The following THTPA variants were observed in gnomAD, a reference collection of about 807,000 sequenced individuals.
THTPA encodes thiamine triphosphatase, also known as thiamine-triphosphatase.
Under a neutral mutation model 16.5 loss-of-function variants are expected in THTPA, and 16 were observed. That is an observed-to-expected ratio of 0.97 (90% CI 0.66 to 1.47). The LOEUF is 1.47. Ranked by LOEUF, THTPA falls within the 40% of genes most tolerant of loss-of-function variation. The pLI, the probability that THTPA is intolerant of heterozygous loss-of-function variation, is 0.00. For missense variants in THTPA, 281 were observed against 280.9 expected, an observed-to-expected ratio of 1.00 and a Z score of 0.00; for synonymous variants, 110 against 115.5, an observed-to-expected ratio of 0.95 and a Z score of 0.30.
chr14:23,524,944 A>C, the THTPA span: 1 of 1,536,106 alleles, frequency 6.5e-7, no homozygotes, highest in East Asian at 2.4e-5. This position sits in a 1 kb window ranked among gnomAD's most constrained non-coding sequence, Gnocchi z 5.6. Flanking sequence ...AGGCTCCCCC[A>C]GTGCCTCCTC....
At chr14:23,528,481 G>T in the THTPA span, 1 of 558,904 alleles carries the variant, frequency 1.8e-6, no homozygotes. Flanking sequence ...CCCCACCTTG[G>T]ATTTAGTTTT....
the THTPA span, among the ~76,000 whole-genome samples, chr14:23,535,935 T>C: frequency 1.8e-4 from 27 of 152,208 alleles, no homozygotes; most frequent in Admixed American, 6.5e-4. This position sits in a 1 kb window ranked among gnomAD's most constrained non-coding sequence, Gnocchi z 4.5. Flanking sequence ...TCCCCATCTT[T>C]CCTATCTCCA....
the THTPA span, chr14:23,526,439 C>T: frequency 3.2e-5 from 49 of 1,536,058 alleles, no homozygotes; most frequent in Middle Eastern, 1.7e-4. Context: ...CAGAGGGTGG[C>T]GAGAGTCAGC....
the THTPA span, among the ~76,000 whole-genome samples, chr14:23,548,673 C>T: frequency 1.3e-5 from 2 of 152,268 alleles, no homozygotes; most frequent in South Asian, 2.1e-4. Context: ...AAAGGCCTTT[C>T]GTGGGGGTAG....
chr14:23,531,296 G>C, the THTPA span: 5 of 865,644 alleles, frequency 5.8e-6, no homozygotes, highest in South Asian at 2.6e-4. Context: ...CTCCACTCAA[G>C]GTAGCCTCCA....
At chr14:23,540,653 T>C in the THTPA span, among the ~76,000 whole-genome samples, 3 of 152,238 alleles carry the variant, frequency 2.0e-5, no homozygotes, top group Admixed American at 2.0e-4. Context: ...CAATCCTTGC[T>C]CCATCACTCA....
chr14:23,533,438 C>T, the THTPA span: 1 of 1,530,586 alleles, frequency 6.5e-7, no homozygotes, highest in Non-Finnish European at 8.7e-7. This position sits in a 1 kb window ranked among gnomAD's most constrained non-coding sequence, Gnocchi z 4.8. Context: ...TGGAAGAGTT[C>T]AGGGGGGCTA....
the THTPA span, among the ~76,000 whole-genome samples, chr14:23,549,266 A>C: frequency 6.6e-6 from 1 of 151,912 alleles, no homozygotes; most frequent in Non-Finnish European, 1.5e-5. Flanking sequence ...TCCTTTGCAC[A>C]TCCCTCACGT....
the THTPA span, chr14:23,533,625 T>A: frequency 6.5e-7 from 1 of 1,536,818 alleles, no homozygotes; most frequent in Non-Finnish European, 8.7e-7. This position sits in a 1 kb window ranked among gnomAD's most constrained non-coding sequence, Gnocchi z 4.8. Context: ...ACTGCCAGGA[T>A]GATTTGGTCT....
the THTPA span, among the ~76,000 whole-genome samples, chr14:23,537,258 C>A: frequency 3.3e-4 from 50 of 152,102 alleles, no homozygotes; most frequent in South Asian, 1.2e-3. Flanking sequence ...CAGGAACCTC[C>A]CCCTCAAACT....
chr14:23,541,209 G>C, the THTPA span, among the ~76,000 whole-genome samples: 2 of 150,874 alleles, frequency 1.3e-5, no homozygotes, highest in South Asian at 4.2e-4. Context: ...CCCGGCCTCT[G>C]TTCACCCCTT....
chr14:23,545,100 C>T, the THTPA span, among the ~76,000 whole-genome samples: 6 of 152,106 alleles, frequency 3.9e-5, no homozygotes, highest in African/African-American at 1.4e-4. Flanking sequence ...CCTTCCCTCT[C>T]CCCCGCCCTT....
chr14:23,550,667 G>A, the THTPA span, among the ~76,000 whole-genome samples: 2 of 152,178 alleles, frequency 1.3e-5, no homozygotes, highest in Non-Finnish European at 2.9e-5. Flanking sequence ...AGGGGCAGAC[G>A]AGCGGATGGG....
the THTPA span, chr14:23,528,502 C>G: frequency 1.4e-6 from 1 of 727,576 alleles, no homozygotes; most frequent in Non-Finnish European, 1.7e-6. Flanking sequence ...CTTCTCTTAC[C>G]TATCCTATCC....
At chr14:23,548,320 A>G in the THTPA span, 2 of 152,154 alleles carry the variant, frequency 1.3e-5, no homozygotes, top group South Asian at 2.1e-4. Context: ...ATTTGTGACA[A>G]CTGTTGTTCT....
the THTPA span, chr14:23,524,420 G>A: frequency 6.5e-7 from 1 of 1,536,200 alleles, no homozygotes; most frequent in South Asian, 1.2e-5. The surrounding 1 kb of genome is among the most constrained non-coding windows in gnomAD (Gnocchi z 5.6). Context: ...ACTGCCTGTG[G>A]GAGACAAGCT....
chr14:23,557,335 C>G, intron 1 of THTPA, 31 bp downstream of exon 1: 1 of 1,532,692 alleles, frequency 6.5e-7, no homozygotes, highest in Non-Finnish European at 8.7e-7. Flanking sequence ...TGTGCTTTTC[C>G]TGCTCCCCAC....
chr14:23,534,515 G>A, the THTPA span: 1 of 1,536,166 alleles, frequency 6.5e-7, no homozygotes, highest in South Asian at 1.2e-5. The surrounding 1 kb of genome is among the most constrained non-coding windows in gnomAD (Gnocchi z 4.5). Flanking sequence ...CTACCTGACA[G>A]GCCCTGATAT....
At chr14:23,548,730 C>T in the THTPA span, among the ~76,000 whole-genome samples, 5 of 152,318 alleles carry the variant, frequency 3.3e-5, no homozygotes, top group African/African-American at 1.2e-4. Context: ...TTCTCTCTCT[C>T]TCTGTCTCTT....
Sources: gnomAD v4.1 joint callset for allele counts (sites outside exome capture counted in the v4.1 genomes callset) on GRCh38, gnomAD v4.1.1 for gene constraint, Gnocchi (gnomAD v3.1) non-coding constraint, MANE v1.5 for transcripts, NCBI Gene and HGNC (gene_info 2026-07-23, HGNC 2026-07-21) for gene names.